The following MYO3A variants were observed in gnomAD, a reference collection of about 807,000 sequenced individuals.
MYO3A encodes myosin-IIIa.
MYO3A carries 180 observed loss-of-function variants against 192.7 expected under a neutral mutation model. That is an observed-to-expected ratio of 0.93 (90% CI 0.83 to 1.06). MYO3A has a LOEUF of 1.06. Ranked by LOEUF, MYO3A falls within the 50% of genes least tolerant of loss-of-function variation. The pLI, the probability that MYO3A is intolerant of heterozygous loss-of-function variation, is 0.00. For missense variants in MYO3A, 1,896 were observed against 1,905.0 expected (o/e 1.00, Z 0.09); for synonymous variants, 628 against 645.3 (o/e 0.97, Z 0.41).
At chr10:25,953,836 T>C (rs1475008492) in intron 3 of MYO3A, among the ~76,000 whole-genome samples, 1 of 152,164 alleles carries the variant, frequency 6.6e-6, no homozygotes, top group Non-Finnish European at 1.5e-5. Context: ...ATATACATTT[T>C]TCTAAGAATT....
chr10:26,187,219 G>C (rs1842907270), intron 31 of MYO3A, among the ~76,000 whole-genome samples: 1 of 151,832 alleles, frequency 6.6e-6, no homozygotes, highest in African/African-American at 2.4e-5. Context: ...ACCATCTAGA[G>C]ACTTCGAGTT....
intron 10 of MYO3A, among the ~76,000 whole-genome samples, chr10:26,030,035 T>C (rs1186050566): frequency 6.6e-6 from 1 of 152,156 alleles, no homozygotes; most frequent in African/African-American, 2.4e-5. Context: ...CATCCTGCCA[T>C]CTCAAGCACC....
At chr10:25,939,684 G>A (rs1198868193) in intron 2 of MYO3A, among the ~76,000 whole-genome samples, 2 of 151,720 alleles carry the variant, frequency 1.3e-5, no homozygotes, top group Non-Finnish European at 2.9e-5. Flanking sequence ...CTCAGAGAGT[G>A]TATCTATTCT....
intron 23 of MYO3A, among the ~76,000 whole-genome samples, chr10:26,152,452 C>T (rs961558024): frequency 2.6e-5 from 4 of 152,146 alleles, no homozygotes; most frequent in African/African-American, 7.2e-5. Context: ...ATTATGATGT[C>T]TTCAAGATTC....
Position 26,016,836 on chromosome 10 carries a change from C to T in MYO3A, c.525C>T (p.Leu175=). Residue 175 remains leucine, a synonymous_variant, in exon 7 of 35, where the codon CTC becomes CTT. Coordinates refer to ENST00000642920, the MANE Select transcript of MYO3A (RefSeq NM_017433.5). ...TTCCTCTAGGTGTGTCTGCACAGCTCACCAGTACCCGGCACCGTCGGAACA... is the reference window on the plus strand; with the variant it reads ...TTCCTCTAGGTGTGTCTGCACAGCTTACCAGTACCCGGCACCGTCGGAACA... ...KLVDFGVSAQ[L]TSTRHRRNTS... is the part of the protein sequence containing the mutation. 6.2e-7 allele frequency: 1 copy of T among 1,614,138 alleles called. No homozygotes were observed. Among genetic ancestry groups the T allele is most frequent in the African/African-American group, 1.3e-5 (1 of 75,060 alleles).
chr10:26,111,471 A>G (rs935478255), intron 17 of MYO3A, among the ~76,000 whole-genome samples: 10 of 152,114 alleles, frequency 6.6e-5, no homozygotes, highest in African/African-American at 9.7e-5. Flanking sequence ...TTTCCTAGGC[A>G]TGACCACTTC....
At chr10:26,029,575 A>G (rs775777187) in intron 10 of MYO3A, among the ~76,000 whole-genome samples, 2 of 152,170 alleles carry the variant, frequency 1.3e-5, no homozygotes, top group African/African-American at 2.4e-5. Context: ...TATCTATTAT[A>G]CATCAACATC....
At chr10:25,995,537 TGCTGGTGAGGA>T (rs1391868318) in intron 4 of MYO3A, among the ~76,000 whole-genome samples, 1 of 152,232 alleles carries the variant, frequency 6.6e-6, no homozygotes, top group Non-Finnish European at 1.5e-5. Flanking sequence ...TTTGTTCCAT[TGCTGGTGAGGA>T]GCTGCGTTCC....
chr10:26,205,678 A>G (rs12266027), intron 34 of MYO3A, among the ~76,000 whole-genome samples: 38,278 of 134,654 alleles, frequency 0.28, 6,720 homozygotes, highest in African/African-American at 0.52. Context: ...ATGCAGTGGC[A>G]CGATCTCGGC....
In MYO3A at chr10:26,205,928, T is replaced by C. The variant is rs564243246; in HGVS notation, c.4730+2821T>C. On this transcript the variant is annotated intron_variant, in intron 34 of 34. Coordinates refer to ENST00000642920, the MANE Select transcript of MYO3A (RefSeq NM_017433.5). ...GCCACCGTGCCCAGCCGGATTTCTT[T>C]CTTTTTTAAGGCAGAAGGGTATTCC... 9.2e-5 allele frequency among the ~76,000 whole-genome samples: 14 copies of C among 152,102 alleles called. No individual in the cohort carries two copies. In the East Asian group the frequency reaches 2.5e-3, roughly 27 times the overall value.
intron 14 of MYO3A, among the ~76,000 whole-genome samples, chr10:26,083,732 T>C (rs1836121638): frequency 6.6e-6 from 1 of 152,226 alleles, no homozygotes. Context: ...AATGGTCTTC[T>C]ATAACTCATA....
chr10:25,947,284 A>G (rs768920505), intron 2 of MYO3A, among the ~76,000 whole-genome samples: 4 of 151,112 alleles, frequency 2.6e-5, no homozygotes, highest in African/African-American at 4.9e-5. Flanking sequence ...TAATAAATTT[A>G]TCTGATTTTG....
chr10:26,110,632 G>A (rs1266312468), intron 17 of MYO3A, among the ~76,000 whole-genome samples: 4 of 152,130 alleles, frequency 2.6e-5, no homozygotes, highest in African/African-American at 9.7e-5. Context: ...AGTAGGAGTT[G>A]AACAATTGAG....
At chr10:26,151,032 A>G (rs374927136) in intron 23 of MYO3A, among the ~76,000 whole-genome samples, 9 of 152,178 alleles carry the variant, frequency 5.9e-5, no homozygotes, top group South Asian at 4.1e-4. Context: ...TAGTGTTCAG[A>G]GAGCGTACTT....
At chr10:26,137,661 A>G (rs1366577493) in intron 20 of MYO3A, among the ~76,000 whole-genome samples, 1 of 152,244 alleles carries the variant, frequency 6.6e-6, no homozygotes, top group Non-Finnish European at 1.5e-5. Context: ...CAGAGAGCCT[A>G]TAAATGGACA....
rs1237421490 is a variant in MYO3A at position 26,066,132 on chromosome 10, A to T, written c.954-843A>T. ...GCGAAACTCCGTCTCAAAAAAAAAA[A>T]AAAAAAAAAAAAGAGCAGTGGGCTT... On this transcript the variant is annotated intron_variant, in intron 10 of 34. Transcript: ENST00000642920. Among the ~76,000 whole-genome samples the T allele has an allele frequency of 2.8e-4, 12 of 43,022 alleles. 1 individual carries two copies. Among genetic ancestry groups the T allele is most frequent in the African/African-American group, 7.2e-4 (12 of 16,658 alleles). The allele number at this position is 43,022 out of a possible 152,430, so 28.2% of individuals were successfully genotyped here. A position where few individuals can be genotyped will look rare whatever the true frequency, so the allele number is the denominator to read the frequency against.
At chr10:26,198,253 T>A (rs1410857980) in intron 32 of MYO3A, among the ~76,000 whole-genome samples, 1 of 152,118 alleles carries the variant, frequency 6.6e-6, no homozygotes, top group Non-Finnish European at 1.5e-5. Context: ...ATCTCTTACG[T>A]CCAGGAAATG....
rs562231095 is a variant in MYO3A at position 26,107,642 on chromosome 10, A to T, written c.1776+10960A>T. ...GTTATTTGTATTTTGCTAAGAAATT[A>T]TCATGAAATCTTATGCCATAGATTT... On this transcript the variant is annotated intron_variant, in intron 17 of 34. Coordinates refer to ENST00000642920, the MANE Select transcript of MYO3A (RefSeq NM_017433.5). 1.2e-4 allele frequency among the ~76,000 whole-genome samples: 18 copies of T among 152,292 alleles called. No homozygotes were observed. In the East Asian group the frequency reaches 2.9e-3, roughly 24 times the overall value.
chr10:25,992,998 G>A (rs939420860), intron 4 of MYO3A, among the ~76,000 whole-genome samples: 2 of 152,114 alleles, frequency 1.3e-5, no homozygotes, highest in Non-Finnish European at 2.9e-5. Context: ...GCCAGGCTTT[G>A]GTATCAGGAT....
Sources: gnomAD v4.1 joint callset for allele counts (sites outside exome capture counted in the v4.1 genomes callset) on GRCh38, gnomAD v4.1.1 for gene constraint, MANE v1.5 for transcripts, NCBI Gene and HGNC (gene_info 2026-07-23, HGNC 2026-07-21) for gene names.